Variants in CPEB3 observed in about 807,000 individuals in gnomAD.
The protein encoded by CPEB3 is cytoplasmic polyadenylation element-binding protein 3.
Under a neutral mutation model 67.2 loss-of-function variants are expected in CPEB3, and 20 were observed. The ratio of observed to expected loss-of-function variants is 0.30; its 90% CI spans 0.21 to 0.43. The LOEUF is 0.43. Among genes scored for constraint, CPEB3 ranks in the 20% least tolerant of loss-of-function variants. CPEB3 has a pLI of 1.00. For synonymous variants in CPEB3, 376 were observed against 393.1 expected (o/e 0.96, Z 0.51); for missense variants, 746 against 968.6 (o/e 0.77, Z 3.05).
At position 92,252,351 on chromosome 10, in the gene CPEB3, A is replaced by G. The variant is rs1393423815; in HGVS notation, c.-11-11990T>C. On this transcript the variant is annotated intron_variant, in intron 1 of 9. Transcript: ENST00000265997. ...AATGCTGGTGAAAGTATAGTTCGGT[A>G]TAACTATACAACCACAATGCAAAAT... 5.3e-5 allele frequency among the ~76,000 whole-genome samples: 8 copies of G among 152,192 alleles called. No homozygotes were observed. In the East Asian group the frequency reaches 7.7e-4, roughly 15 times the overall value.
At chr10:92,276,283 T>C (rs1051458382) in intron 1 of CPEB3, among the ~76,000 whole-genome samples, 5 of 147,140 alleles carry the variant, frequency 3.4e-5, no homozygotes, top group African/African-American at 5.0e-5. Context: ...TTTTCTTTTT[T>C]TTTTTTTTTT....
At position 92,046,971 on chromosome 10, in the gene CPEB3, C is replaced by G. The variant is rs1852133678; in HGVS notation, c.*5241G>C. 6.6e-6 allele frequency: 1 copy of G among 152,282 alleles called. No homozygotes were observed. The highest frequency in any genetic ancestry group is 1.9e-4 in the East Asian group (1 of 5,186). The allele number at this position is 152,282 out of a possible 1,614,324, so 9.4% of individuals were successfully genotyped here. A position where few individuals can be genotyped will look rare whatever the true frequency, so the allele number is the denominator to read the frequency against. ...TACAGAGATCCTAGCTGTGAACACT[C>G]TAAAAGTTAAGTCCATTATTTTGAC... On this transcript the variant is annotated 3_prime_UTR_variant, in exon 10 of 10. Transcript: ENST00000265997.
chr10:92,222,351 T>G (rs1426839766), intron 2 of CPEB3, among the ~76,000 whole-genome samples: 1 of 152,174 alleles, frequency 6.6e-6, no homozygotes, highest in Non-Finnish European at 1.5e-5. Context: ...ACCTTTTTAA[T>G]GTCAGTATTA....
chr10:92,066,856 C>T (rs921458006), intron 9 of CPEB3, among the ~76,000 whole-genome samples: 22 of 152,032 alleles, frequency 1.4e-4, no homozygotes, highest in African/African-American at 4.6e-4. Flanking sequence ...ACCAGCCTGG[C>T]CAACATGGTG....
chr10:92,106,171 G>C (rs916476170), intron 7 of CPEB3, among the ~76,000 whole-genome samples: 1 of 151,242 alleles, frequency 6.6e-6, no homozygotes, highest in African/African-American at 2.4e-5. Context: ...GGGATTACAG[G>C]CATGAGCCAC....
intron 6 of CPEB3, among the ~76,000 whole-genome samples, chr10:92,129,990 T>C (rs1845771939): frequency 1.3e-5 from 2 of 152,274 alleles, no homozygotes; most frequent in South Asian, 4.1e-4. Flanking sequence ...TGAGCCATGA[T>C]TGTACTACTG....
At chr10:92,159,119 C>T (rs7900400) in intron 4 of CPEB3, among the ~76,000 whole-genome samples, 47,758 of 149,376 alleles carry the variant, frequency 0.32, 7,847 homozygotes, top group Admixed American at 0.44. Flanking sequence ...AAAAATTGGC[C>T]GGGCGCGGTG....
rs187481468 is a variant in CPEB3, at chr10:92,057,662, G to A, written c.1870-5223C>T. On this transcript the variant is annotated intron_variant, in intron 9 of 9. Coordinates refer to ENST00000265997, the MANE Select transcript of CPEB3 (RefSeq NM_014912.5). Reference sequence around the variant, plus strand: ...CTTAGGCAAAAGCCAGTACTGTGCCGGCTTCAGGTCGGACACAGCACAGTC... The same window carrying A: ...CTTAGGCAAAAGCCAGTACTGTGCCAGCTTCAGGTCGGACACAGCACAGTC... Among the ~76,000 whole-genome samples the A allele has an allele frequency of 2.6e-4, 39 of 152,342 alleles. No individual in the cohort carries two copies. In the East Asian group the frequency reaches 4.8e-3, roughly 19 times the overall value.
chr10:92,226,290 CAA>C (rs1479055252), intron 2 of CPEB3, among the ~76,000 whole-genome samples: 1 of 152,194 alleles, frequency 6.6e-6, no homozygotes, highest in Non-Finnish European at 1.5e-5. Flanking sequence ...GATTCAAGTA[CAA>C]ACTCTTCTTT....
intron 1 of CPEB3, among the ~76,000 whole-genome samples, chr10:92,248,920 T>G (rs1421470452): frequency 6.6e-6 from 1 of 152,154 alleles, no homozygotes; most frequent in Non-Finnish European, 1.5e-5. Context: ...AATATTCCAG[T>G]CAAACCACAT....
In CPEB3 at chr10:92,232,582, C is replaced by T. The variant is rs1851323144; in HGVS notation, c.1005+6764G>A. Among the ~76,000 whole-genome samples, 5 of 151,674 alleles carry T rather than the reference C, an allele frequency of 3.3e-5. No homozygotes were observed. The South Asian group carries it at 1.0e-3, about 32-fold the overall frequency. On this transcript the variant is annotated intron_variant, in intron 2 of 9. Coordinates refer to ENST00000265997, the MANE Select transcript of CPEB3 (RefSeq NM_014912.5). ...GACCAGCCTGGCCAACATAGTGAAA[C>T]CCCGTCTCTACCAAAAATACAAAAA...
chr10:92,211,118 A>G (rs1183823639), intron 2 of CPEB3, among the ~76,000 whole-genome samples: 3 of 152,236 alleles, frequency 2.0e-5, no homozygotes, highest in Admixed American at 6.5e-5. Context: ...AATATCTTAT[A>G]AGTGAGAATA....
At chr10:92,227,896 T>A (rs576441126) in intron 2 of CPEB3, among the ~76,000 whole-genome samples, 29 of 151,456 alleles carry the variant, frequency 1.9e-4, no homozygotes, top group African/African-American at 7.0e-4. Flanking sequence ...CGGCCTATTT[T>A]TTTCTTTTTT....
At chr10:92,129,912 T>C (rs933641976) in intron 6 of CPEB3, among the ~76,000 whole-genome samples, 3 of 151,880 alleles carry the variant, frequency 2.0e-5, no homozygotes, top group East Asian at 1.9e-4. Context: ...CCAGGCATGG[T>C]AGTGAGTGCA....
intron 4 of CPEB3, among the ~76,000 whole-genome samples, chr10:92,148,327 G>A (rs902318540): frequency 6.6e-6 from 1 of 152,122 alleles, no homozygotes; most frequent in African/African-American, 2.4e-5. Context: ...TAAGGACAAT[G>A]TGTTCCCTCT....
chr10:92,239,578 G>C lies in CPEB3; in HGVS notation c.773C>G (p.Pro258Arg). The C allele has an allele frequency of 6.4e-7, 1 of 1,554,980 alleles. No individual in the cohort carries two copies. The highest frequency in any genetic ancestry group is 1.2e-5 in the South Asian group (1 of 84,552). ...VNAAWSAPSN[P>R]WGGLQAGRDP... ...CCGGCCCGCCTGCAGGCCGCCCCAG[G>C]GGTTGGACGGTGCGCTCCAGGCTGC... Residue 258 changes from proline to arginine, a missense_variant, in exon 2 of 10, where the codon CCC (proline) becomes CGC (arginine). Pro to Arg is a moderately radical substitution (Grantham distance 103). Coordinates refer to ENST00000265997, the MANE Select transcript of CPEB3 (RefSeq NM_014912.5). The surrounding 1 kb of genome is among the most constrained non-coding windows in gnomAD (Gnocchi z 6.0).
intron 8 of CPEB3, among the ~76,000 whole-genome samples, chr10:92,091,018 A>G (rs1225473998): frequency 6.6e-6 from 1 of 152,222 alleles, no homozygotes; most frequent in Admixed American, 6.5e-5. Context: ...GTATGTTACA[A>G]ATGTTGAGGA....
intron 6 of CPEB3, among the ~76,000 whole-genome samples, chr10:92,141,404 T>G (rs1376600414): frequency 6.6e-6 from 1 of 150,786 alleles, no homozygotes; most frequent in Non-Finnish European, 1.5e-5. Context: ...CACTGCATGT[T>G]CTCACTCATA....
At chr10:92,158,622 A>G (rs796145126) in intron 4 of CPEB3, among the ~76,000 whole-genome samples, 3 of 152,350 alleles carry the variant, frequency 2.0e-5, no homozygotes, top group African/African-American at 7.2e-5. Flanking sequence ...CACAATTTTC[A>G]GTAAAGCTTC....
Sources: allele counts gnomAD v4.1 joint callset (sites outside exome capture counted in the v4.1 genomes callset), GRCh38; gene constraint gnomAD v4.1.1; non-coding constraint Gnocchi (gnomAD v3.1); transcripts MANE v1.5; gene names NCBI Gene and HGNC (gene_info 2026-07-23, HGNC 2026-07-21).